SDC2: variants seen among roughly 807,000 people sequenced by gnomAD.
SDC2 encodes the protein syndecan-2.
SDC2 carries 13 observed loss-of-function variants against 22.2 expected under a neutral mutation model. That is an observed-to-expected ratio of 0.59 (90% confidence interval 0.38 to 0.93). The LOEUF (loss-of-function observed/expected upper bound fraction) is 0.93, where lower values mean the gene tolerates loss of function less well. SDC2 is among the 40% of genes least tolerant of loss of function. The pLI is 0.00. For synonymous variants in SDC2, 94 were observed against 92.8 expected, an observed-to-expected ratio of 1.01 and a Z score of -0.07; for missense variants, 235 against 246.8, an observed-to-expected ratio of 0.95 and a Z score of 0.32.
Position 96,493,942 on chromosome 8 carries a change from A to C in SDC2, c.-330A>C. ...CCAGAAACTGAACCTCGGCACGGGA[A>C]AGGAGTCCGCGGAGGAGCAAAACCA... On this transcript the variant is annotated 5_prime_UTR_variant, in exon 1 of 5. Transcript: ENST00000302190. 1.2e-4 allele frequency: 41 copies of C among 347,350 alleles called. No individual in the cohort carries two copies. The highest frequency in any genetic ancestry group is 3.0e-4 in the East Asian group (5 of 16,788). The allele number at this position is 347,350 out of a possible 1,614,324, so 21.5% of individuals were successfully genotyped here.
rs140261728 is a variant in SDC2, at chr8:96,608,206, A to G, written c.307-129A>G. On this transcript the variant is annotated intron_variant, in intron 3 of 4. Coordinates refer to ENST00000302190, the MANE Select transcript of SDC2 (RefSeq NM_002998.4). The stretch of plus-strand genomic sequence containing the variant: ...CATTGCTATAAACATCACACAAGTG[A>G]TTATTCCAGTTATTTCCTAAACTCA... 442 of 780,698 alleles carry G rather than the reference A, an allele frequency of 5.7e-4. 3 individuals are homozygous for G. The African/African-American group carries it at 6.8e-3, about 12-fold the overall frequency. The allele number at this position is 780,698 out of a possible 1,614,324, so 48.4% of individuals were successfully genotyped here.
At chr8:96,553,744 CCT>C (rs1225679694) in intron 1 of SDC2, among the ~76,000 whole-genome samples, 2 of 150,438 alleles carry the variant, frequency 1.3e-5, no homozygotes, top group South Asian at 2.1e-4. Flanking sequence ...AAATTGTACC[CCT>C]GTTTATTTAC....
rs567805975 is a variant in SDC2, at chr8:96,594,270, G to T, written c.172+679G>T. Among the ~76,000 whole-genome samples the T allele has an allele frequency of 3.3e-5, 5 of 152,258 alleles. No homozygotes were observed. In the East Asian group the frequency reaches 9.7e-4, roughly 29 times the overall value. ...GTTGGTGATGTAGGCTGGGCTGGCT[G>T]GGCTCCCTCACATGTCAGTGGTCAG... On this transcript the variant is annotated intron_variant, in intron 2 of 4. Transcript: ENST00000302190.
Position 96,542,771 on chromosome 8 carries a change from C to A in SDC2, c.60+48440C>A, listed in dbSNP as rs1031975659. Among the ~76,000 whole-genome samples, 73 of 152,122 alleles carry A rather than the reference C, an allele frequency of 4.8e-4. 1 individual carries two copies. Among genetic ancestry groups the A allele is most frequent in the African/African-American group, 1.6e-3 (67 of 41,416 alleles). On this transcript the variant is annotated intron_variant, in intron 1 of 4. Transcript: ENST00000302190. ...GCTTATTAAATATGAGATTTTCCAT[C>A]TCTTAGTGAATAGAGTTTGCCTTCT...
chr8:96,579,868 T>A (rs183848920), intron 1 of SDC2, among the ~76,000 whole-genome samples: 1 of 152,252 alleles, frequency 6.6e-6, no homozygotes, highest in Non-Finnish European at 1.5e-5. Context: ...ATTTAGATAC[T>A]GTTTCATGTT....
intron 1 of SDC2, among the ~76,000 whole-genome samples, chr8:96,498,496 A>G (rs1421742066): frequency 6.7e-6 from 1 of 150,012 alleles, no homozygotes; most frequent in Admixed American, 6.7e-5. Flanking sequence ...CTTGAGATGG[A>G]GTCTCACTCT....
intron 1 of SDC2, among the ~76,000 whole-genome samples, chr8:96,546,834 A>G (rs566035657): frequency 2.7e-4 from 41 of 152,366 alleles, no homozygotes; most frequent in African/African-American, 8.9e-4. Context: ...CACTCTAACC[A>G]TGCTTCAGTC....
intron 1 of SDC2, among the ~76,000 whole-genome samples, chr8:96,518,387 GTCTC>G (rs1325276802): frequency 1.4e-5 from 2 of 143,712 alleles, no homozygotes; most frequent in Non-Finnish European, 3.0e-5. Flanking sequence ...TTGAGACAGA[GTCTC>G]TCTCTGTCAC....
intron 1 of SDC2, among the ~76,000 whole-genome samples, chr8:96,592,048 T>C (rs536192453): frequency 6.6e-6 from 1 of 152,338 alleles, no homozygotes; most frequent in South Asian, 2.1e-4. Flanking sequence ...CTGACCATTC[T>C]ACTAGAAAAG....
At chr8:96,503,380 G>T (rs1265762259) in intron 1 of SDC2, among the ~76,000 whole-genome samples, 1 of 151,972 alleles carries the variant, frequency 6.6e-6, no homozygotes, top group Non-Finnish European at 1.5e-5. Flanking sequence ...TTATTTGAAG[G>T]GTATTTATAA....
intron 4 of SDC2, among the ~76,000 whole-genome samples, chr8:96,609,137 G>C (rs956291606): frequency 6.6e-6 from 1 of 152,084 alleles, no homozygotes; most frequent in African/African-American, 2.4e-5. Context: ...TTAAGATCAA[G>C]GCCAGATTTT....
At chr8:96,495,189 G>T (rs1036043903) in intron 1 of SDC2, among the ~76,000 whole-genome samples, 1 of 152,202 alleles carries the variant, frequency 6.6e-6, no homozygotes, top group African/African-American at 2.4e-5. Context: ...GGGGACAGAG[G>T]CTTCCCTCCC....
intron 1 of SDC2, among the ~76,000 whole-genome samples, chr8:96,501,504 C>G (rs1407938370): frequency 6.6e-6 from 1 of 151,722 alleles, no homozygotes; most frequent in African/African-American, 2.4e-5. Context: ...GACGGGATTT[C>G]ACCATGTTGG....
intron 1 of SDC2, among the ~76,000 whole-genome samples, chr8:96,560,042 C>T (rs1814182577): frequency 1.3e-5 from 2 of 152,094 alleles, no homozygotes; most frequent in Admixed American, 6.6e-5. Context: ...TGGTTTTTAG[C>T]ATATTTAGAG....
rs185969193 is a variant in SDC2 at position 96,515,207 on chromosome 8, G to A, written c.60+20876G>A. Among the ~76,000 whole-genome samples the A allele has an allele frequency of 4.9e-3, 749 of 152,250 alleles. 6 individuals are homozygous for A. Among genetic ancestry groups the A allele is most frequent in the Non-Finnish European group, 9.1e-3 (617 of 68,028 alleles). ...ATGGCTATGCTTTTCTTAAGGAGTCGCTTTTTCCCCCTACTTTCTACTTAC... is the reference window on the plus strand; with the variant it reads ...ATGGCTATGCTTTTCTTAAGGAGTCACTTTTTCCCCCTACTTTCTACTTAC... On this transcript the variant is annotated intron_variant, in intron 1 of 4. Transcript: ENST00000302190.
At chr8:96,604,256 T>G (rs1344163191) in intron 3 of SDC2, among the ~76,000 whole-genome samples, 2 of 152,190 alleles carry the variant, frequency 1.3e-5, no homozygotes, top group Non-Finnish European at 2.9e-5. Context: ...ACCACTAATT[T>G]AAGTTTTTAA....
chr8:96,518,372 T>C (rs1262266682), intron 1 of SDC2, among the ~76,000 whole-genome samples: 1 of 151,136 alleles, frequency 6.6e-6, no homozygotes, highest in Non-Finnish European at 1.5e-5. Context: ...TTTTTTTTTT[T>C]TTTTTTGAGA....
At chr8:96,517,597 C>T (rs1179220656) in intron 1 of SDC2, among the ~76,000 whole-genome samples, 1 of 152,040 alleles carries the variant, frequency 6.6e-6, no homozygotes, top group Non-Finnish European at 1.5e-5. Flanking sequence ...CTTATTCTTT[C>T]CCCGTTGAAT....
At chr8:96,607,548 C>CG (rs368340957) in intron 3 of SDC2, among the ~76,000 whole-genome samples, 436 of 152,266 alleles carry the variant, frequency 2.9e-3, no homozygotes, top group Non-Finnish European at 4.9e-3. Context: ...TTAGACTTGA[C>CG]GAGTAGAGTT....
Sources: gnomAD v4.1 joint callset for allele counts (sites outside exome capture counted in the v4.1 genomes callset) on GRCh38, gnomAD v4.1.1 for gene constraint, MANE v1.5 for transcripts, NCBI Gene and HGNC (gene_info 2026-07-23, HGNC 2026-07-21) for gene names.